The following COL26A1 variants were observed in gnomAD, a reference collection of about 807,000 sequenced individuals.
The protein encoded by COL26A1 is collagen type XXVI alpha 1 chain.
Under a neutral mutation model 59.3 loss-of-function variants are expected in COL26A1, and 41 were observed. The observed-to-expected ratio is 0.69, with a 90% CI of 0.54 to 0.90. The LOEUF (loss-of-function observed/expected upper bound fraction) is 0.90. COL26A1 is among the 40% of genes least tolerant of loss of function. The pLI is 0.00. For synonymous variants in COL26A1, 266 were observed against 256.0 expected, an observed-to-expected ratio of 1.04 and a Z score of -0.37; for missense variants, 612 against 602.3, an observed-to-expected ratio of 1.02 and a Z score of -0.17.
At chr7:101,531,834 G>A (rs527445650) in intron 3 of COL26A1, among the ~76,000 whole-genome samples, 77 of 152,106 alleles carry the variant, frequency 5.1e-4, no homozygotes, top group Middle Eastern at 3.4e-3. Flanking sequence ...TGACAAAGAC[G>A]GGGATAGCTC....
intron 1 of COL26A1, among the ~76,000 whole-genome samples, chr7:101,370,884 C>T (rs1791175272): frequency 6.6e-6 from 1 of 152,164 alleles, no homozygotes; most frequent in African/African-American, 2.4e-5. Context: ...CTGTTCATCT[C>T]ATTTGTGGGT....
chr7:101,385,172 A>G (rs1791535127), intron 1 of COL26A1, among the ~76,000 whole-genome samples: 1 of 112,236 alleles, frequency 8.9e-6, no homozygotes, highest in South Asian at 3.7e-4. Flanking sequence ...ACTAGAAACA[A>G]TACTTTGCAT....
intron 1 of COL26A1, among the ~76,000 whole-genome samples, chr7:101,368,314 G>A (rs970558698): frequency 8.5e-5 from 13 of 152,284 alleles, no homozygotes; most frequent in African/African-American, 2.6e-4. Context: ...ATTAAGGATC[G>A]CAAAGTGGAT....
intron 1 of COL26A1, among the ~76,000 whole-genome samples, chr7:101,390,163 T>G (rs971099884): frequency 6.3e-5 from 9 of 143,928 alleles, no homozygotes; most frequent in East Asian, 2.0e-4. Context: ...TTTTTTTTTT[T>G]TTTTTTTTTT....
At chr7:101,556,025 C>A (rs1795968541) in intron 12 of COL26A1, among the ~76,000 whole-genome samples, 154 bp downstream of exon 12, 1 of 152,150 alleles carries the variant, frequency 6.6e-6, no homozygotes, top group Non-Finnish European at 1.5e-5. Context: ...CTCAGTGGCT[C>A]CCTGCTGCCC....
chr7:101,396,677 G>T (rs1449305530), intron 1 of COL26A1, among the ~76,000 whole-genome samples: 1 of 152,114 alleles, frequency 6.6e-6, no homozygotes, highest in Non-Finnish European at 1.5e-5. Flanking sequence ...GGCCAGGCTG[G>T]TCTTGAACTC....
At chr7:101,376,306 C>CAAAAAAAAAAAAAA (rs1478520920) in intron 1 of COL26A1, among the ~76,000 whole-genome samples, 1 of 151,838 alleles carries the variant, frequency 6.6e-6, no homozygotes, top group Non-Finnish European at 1.5e-5. Context: ...GACCCTGTCT[C>CAAAAAAAAAAAAAA]AAAAAAAGTC....
chr7:101,508,698 GA>G (rs1391955508), intron 3 of COL26A1, among the ~76,000 whole-genome samples: 1 of 151,734 alleles, frequency 6.6e-6, no homozygotes, highest in African/African-American at 2.4e-5. Context: ...CACGAAACCT[GA>G]CCGTAAGGTC....
At chr7:101,495,105 G>A (rs1166238129) in intron 3 of COL26A1, among the ~76,000 whole-genome samples, 1 of 152,184 alleles carries the variant, frequency 6.6e-6, no homozygotes, top group Non-Finnish European at 1.5e-5. Context: ...GAGGCATTAC[G>A]TTATCTGCTG....
At chr7:101,476,822 C>G (rs1347212203) in intron 3 of COL26A1, among the ~76,000 whole-genome samples, 1 of 149,320 alleles carries the variant, frequency 6.7e-6, no homozygotes, top group African/African-American at 2.5e-5. Context: ...GCTGGGATTA[C>G]AGGTGTGAGC....
chr7:101,547,785 A>ATTCATTCATTTGTCCATTCATTCATTCG (rs1229198300), intron 8 of COL26A1, among the ~76,000 whole-genome samples: 22 of 145,416 alleles, frequency 1.5e-4, no homozygotes, highest in Non-Finnish European at 1.5e-5. Flanking sequence ...TCGTTCATTC[A>ATTCATTCATTTGTCCATTCATTCATTCG]TTCATTCATT....
intron 1 of COL26A1, among the ~76,000 whole-genome samples, chr7:101,398,063 T>C (rs1791901380): frequency 6.6e-6 from 1 of 152,194 alleles, no homozygotes; most frequent in East Asian, 1.9e-4. Flanking sequence ...ATGAACTCTA[T>C]TGGGTGTGAC....
chr7:101,514,980 G>C (rs1012140218), intron 3 of COL26A1, among the ~76,000 whole-genome samples: 8 of 152,224 alleles, frequency 5.3e-5, no homozygotes, highest in South Asian at 2.1e-4. Context: ...TCTTTCAATG[G>C]CTTTGCTTCT....
chr7:101,486,324 C>A (rs1038452217), intron 3 of COL26A1, among the ~76,000 whole-genome samples: 3 of 152,286 alleles, frequency 2.0e-5, no homozygotes, highest in South Asian at 4.2e-4. Flanking sequence ...CATTCCACGT[C>A]CCCCCCAACC....
chr7:101,532,215 G>C (rs1795384880), intron 3 of COL26A1, among the ~76,000 whole-genome samples: 1 of 152,076 alleles, frequency 6.6e-6, no homozygotes, highest in Non-Finnish European at 1.5e-5. Flanking sequence ...GCATCACAAG[G>C]CTCCTAATTG....
chr7:101,476,620 T>C (rs1181121150), intron 3 of COL26A1, among the ~76,000 whole-genome samples: 1 of 151,498 alleles, frequency 6.6e-6, no homozygotes, highest in African/African-American at 2.4e-5. Flanking sequence ...TGATCTCGGC[T>C]CACTGCAAGC....
intron 3 of COL26A1, among the ~76,000 whole-genome samples, chr7:101,476,142 T>TTGTGTGTGTGTG (rs56666965): frequency 1.9e-3 from 282 of 146,338 alleles, no homozygotes; most frequent in African/African-American, 6.6e-3. Flanking sequence ...TCCCAGCTAA[T>TTGTGTGTGTGTG]TGTGTGTGTG....
chr7:101,523,666 C>G (rs1282786020), intron 3 of COL26A1, among the ~76,000 whole-genome samples: 4 of 152,136 alleles, frequency 2.6e-5, no homozygotes, highest in African/African-American at 9.7e-5. Flanking sequence ...TGCATTTGCG[C>G]CTTTTTCATA....
At chr7:101,453,429 G>T (rs764195144) in intron 3 of COL26A1, among the ~76,000 whole-genome samples, 5 of 152,186 alleles carry the variant, frequency 3.3e-5, no homozygotes, top group Admixed American at 6.5e-5. Context: ...CTGAAATGTC[G>T]TTATGTGGCA....
Sources: gnomAD v4.1 joint callset for allele counts (sites outside exome capture counted in the v4.1 genomes callset) on GRCh38, gnomAD v4.1.1 for gene constraint, MANE v1.5 for transcripts, NCBI Gene and HGNC (gene_info 2026-07-23, HGNC 2026-07-21) for gene names.